The following MAP4K5 variants were observed in gnomAD, a reference collection of about 807,000 sequenced individuals.
The protein encoded by MAP4K5 is MAPK/ERK kinase kinase kinase 5.
In MAP4K5, 82 loss-of-function variants were observed where a neutral mutation model predicts 135.6. The observed-to-expected ratio is 0.60, with a 90% CI of 0.51 to 0.73. The LOEUF is 0.73. Among genes scored for constraint, MAP4K5 ranks in the 30% least tolerant of loss-of-function variants. MAP4K5 has a pLI of 0.00. For synonymous variants in MAP4K5, 347 were observed against 335.0 expected, an observed-to-expected ratio of 1.04 and a Z score of -0.39; for missense variants, 907 against 1,010.9, an observed-to-expected ratio of 0.90 and a Z score of 1.39.
intron 13 of MAP4K5, among the ~76,000 whole-genome samples, chr14:50,457,187 G>C (rs1024641001): frequency 6.6e-6 from 1 of 152,202 alleles, no homozygotes; most frequent in Non-Finnish European, 1.5e-5. Flanking sequence ...CAGACCATGA[G>C]GGTGAGCCCA....
intron 2 of MAP4K5, among the ~76,000 whole-genome samples, chr14:50,521,517 T>C (rs1425099785): frequency 6.6e-6 from 1 of 152,138 alleles, no homozygotes; most frequent in Non-Finnish European, 1.5e-5. Flanking sequence ...TCTTCTTGGG[T>C]AAAATAGGGA....
intron 31 of MAP4K5, 52 bp from the exon 32 acceptor site, chr14:50,423,228 A>G: frequency 5.6e-6 from 4 of 715,404 alleles, no homozygotes; most frequent in Non-Finnish European, 9.6e-6. Flanking sequence ...TATTGCCTTA[A>G]TAACAATTTA....
At chr14:50,471,791 A>T (rs1344011560) in intron 9 of MAP4K5, 1 of 152,210 alleles carries the variant, frequency 6.6e-6, no homozygotes, top group African/African-American at 2.4e-5. Flanking sequence ...CTTCAGAAAC[A>T]TGAAAGAAAT....
In MAP4K5 at chr14:50,476,110, G is replaced by A; in HGVS notation, c.469+18C>T. The A allele has an allele frequency of 7.1e-7, 1 of 1,399,906 alleles. No individual in the cohort carries two copies. Among genetic ancestry groups the A allele is most frequent in the Non-Finnish European group, 9.5e-7 (1 of 1,057,762 alleles). 86.7% of individuals were successfully genotyped at this position (1,399,906 alleles called of 1,614,324 possible). ...ATTAAATTTTTGGAAAAAATTTTAG[G>A]AATTTGAAATAACATACCTAATTTT... On this transcript the variant is annotated intron_variant, in intron 8 of 32. Transcript: ENST00000682126.
chr14:50,535,822 C>A (rs1272767790), upstream of MAP4K5, among the ~76,000 whole-genome samples: 1 of 152,196 alleles, frequency 6.6e-6, no homozygotes, highest in Admixed American at 6.5e-5. Flanking sequence ...TCTGTGTCCC[C>A]ACCCAAATCT....
chr14:50,495,683 C>A (rs1372493657), intron 3 of MAP4K5, among the ~76,000 whole-genome samples: 1 of 152,118 alleles, frequency 6.6e-6, no homozygotes, highest in Non-Finnish European at 1.5e-5. Context: ...TGTCTATTGA[C>A]AGATGAATGA....
intron 6 of MAP4K5, among the ~76,000 whole-genome samples, chr14:50,478,142 G>A (rs982970020): frequency 6.6e-6 from 1 of 152,126 alleles, no homozygotes; most frequent in African/African-American, 2.4e-5. Flanking sequence ...AATTGAGTGA[G>A]CTTTGGTAGT....
chr14:50,533,008 G>T (rs1484952160), upstream of MAP4K5: 1 of 152,590 alleles, frequency 6.6e-6, no homozygotes, highest in African/African-American at 2.4e-5. Context: ...AGGAGGTGGG[G>T]GAGTGCCAGG....
At chr14:50,440,207 C>A (rs1418401834) in intron 22 of MAP4K5, 134 bp from the exon 23 acceptor site, 1 of 800,382 alleles carries the variant, frequency 1.2e-6, no homozygotes, top group Non-Finnish European at 1.9e-6. Flanking sequence ...GAAAAAAAAT[C>A]TTTCAACATG....
chr14:50,559,882 CG>C (rs1439711036), intron 1 of MAP4K5: 2 of 285,810 alleles, frequency 7.0e-6, no homozygotes, highest in Admixed American at 9.0e-5. Context: ...TGCAGTATAT[CG>C]GTTTGTGTAT....
At chr14:50,460,788 T>C (rs1480895480) in intron 13 of MAP4K5, among the ~76,000 whole-genome samples, 1 of 152,168 alleles carries the variant, frequency 6.6e-6, no homozygotes, top group Non-Finnish European at 1.5e-5. Context: ...CATACATAGA[T>C]ATGATGGTGT....
intron 21 of MAP4K5, among the ~76,000 whole-genome samples, 155 bp from the exon 22 acceptor site, chr14:50,440,596 T>C (rs1431809691): frequency 6.6e-6 from 1 of 152,158 alleles, no homozygotes; most frequent in Non-Finnish European, 1.5e-5. Context: ...TCTTTACCTC[T>C]TTCCCCAATT....
At chr14:50,441,089 GAATT>G (rs766611790) in intron 21 of MAP4K5, among the ~76,000 whole-genome samples, 47 of 152,242 alleles carry the variant, frequency 3.1e-4, no homozygotes, top group Admixed American at 6.5e-4. Flanking sequence ...AATAAAATAA[GAATT>G]AATAAGTTTA....
chr14:50,484,638 G>T (rs80132397), intron 5 of MAP4K5, among the ~76,000 whole-genome samples: 6 of 152,066 alleles, frequency 3.9e-5, no homozygotes, highest in African/African-American at 1.4e-4. Flanking sequence ...TAATTATGAA[G>T]TAACTTCATC....
intron 4 of MAP4K5, 62 bp downstream of exon 4, chr14:50,486,042 G>A (rs2037355741): frequency 1.5e-6 from 1 of 671,658 alleles, no homozygotes; most frequent in East Asian, 3.0e-5. Context: ...ATACAAGGGA[G>A]AGAGTGTAGT....
At chr14:50,550,085 G>A (rs758143514) in intron 1 of MAP4K5, among the ~76,000 whole-genome samples, 9 of 152,202 alleles carry the variant, frequency 5.9e-5, no homozygotes, top group Non-Finnish European at 1.3e-4. Flanking sequence ...TGGAGGATAA[G>A]TGATCCCAGC....
intron 1 of MAP4K5, among the ~76,000 whole-genome samples, chr14:50,549,921 C>T (rs1046640048): frequency 2.6e-5 from 4 of 152,202 alleles, no homozygotes; most frequent in Non-Finnish European, 5.9e-5. Context: ...GTAAAATATG[C>T]GCCGCAAACT....
intron 3 of MAP4K5, among the ~76,000 whole-genome samples, chr14:50,486,795 G>T (rs2037372196): frequency 6.6e-6 from 1 of 152,076 alleles, no homozygotes. Flanking sequence ...GATGGGTGTG[G>T]TGGTGGCACC....
chr14:50,523,808 TG>T (rs2038202786), intron 2 of MAP4K5, among the ~76,000 whole-genome samples: 1 of 152,238 alleles, frequency 6.6e-6, no homozygotes, highest in Non-Finnish European at 1.5e-5. Context: ...CAACAGTGTC[TG>T]CCCCATAGGA....
Sources: allele counts gnomAD v4.1 joint callset (sites outside exome capture counted in the v4.1 genomes callset), GRCh38; gene constraint gnomAD v4.1.1; transcripts MANE v1.5; gene names NCBI Gene and HGNC (gene_info 2026-07-23, HGNC 2026-07-21).